The following MAGI3 variants were observed in gnomAD, a reference collection of about 807,000 sequenced individuals.
MAGI3 encodes the protein membrane associated guanylate kinase, WW and PDZ domain containing 3.
A neutral mutation model predicts 121.8 loss-of-function variants in MAGI3; 43 were observed. That is an observed-to-expected ratio of 0.35 (90% CI 0.28 to 0.46). The LOEUF is 0.46. MAGI3 is among the 20% of genes least tolerant of loss of function. The pLI is 1.00. For synonymous variants in MAGI3, 553 were observed against 639.3 expected (o/e 0.86, Z 2.04); for missense variants, 1,547 against 1,797.3 (o/e 0.86, Z 2.52).
At chr1:113,645,973 A>G (rs900477572) in intron 11 of MAGI3, among the ~76,000 whole-genome samples, 1 of 152,210 alleles carries the variant, frequency 6.6e-6, no homozygotes, top group Non-Finnish European at 1.5e-5. Context: ...AATTGGCCAG[A>G]CAGGGTTTTC....
chr1:113,473,417 C>T (rs141363766), intron 1 of MAGI3, among the ~76,000 whole-genome samples: 4 of 133,584 alleles, frequency 3.0e-5, no homozygotes, highest in Admixed American at 7.5e-5. Flanking sequence ...CTCCCCCAGC[C>T]CCCCCACCCC....
intron 1 of MAGI3, among the ~76,000 whole-genome samples, chr1:113,514,228 G>A (rs929396232): frequency 2.0e-5 from 3 of 152,056 alleles, no homozygotes; most frequent in African/African-American, 4.8e-5. Context: ...GGTTCCTCAG[G>A]GATCTAGAAC....
chr1:113,481,321 T>C (rs562599753), intron 1 of MAGI3, among the ~76,000 whole-genome samples: 11 of 152,332 alleles, frequency 7.2e-5, no homozygotes, highest in African/African-American at 2.6e-4. Flanking sequence ...TGTAGTTCAC[T>C]GTCTAAATCT....
At position 113,685,827 on chromosome 1, in the gene MAGI3, A is replaced by G. The variant is rs537988351; in HGVS notation, c.*1813A>G. 3 of 152,448 alleles carry G rather than the reference A, an allele frequency of 2.0e-5. No homozygotes were observed. In the South Asian group the frequency reaches 6.2e-4, roughly 32 times the overall value. 9.4% of individuals were successfully genotyped at this position (152,448 alleles called of 1,614,324 possible). A position where few individuals can be genotyped will look rare whatever the true frequency, so the allele number is the denominator to read the frequency against. On this transcript the variant is annotated 3_prime_UTR_variant, in exon 21 of 21. Coordinates refer to ENST00000307546, the MANE Select transcript of MAGI3 (RefSeq NM_001142782.2). ...GGATGTACTGGTTGTAAATGTTTAT[A>G]TATTGTACAGTACCTTTATATATAC...
intron 16 of MAGI3, among the ~76,000 whole-genome samples, chr1:113,669,671 A>G (rs568306694): frequency 1.3e-5 from 2 of 152,302 alleles, no homozygotes; most frequent in East Asian, 3.9e-4. Flanking sequence ...CTGGGACTAC[A>G]GGCACATGCC....
At chr1:113,532,673 T>C (rs1658782493) in intron 1 of MAGI3, among the ~76,000 whole-genome samples, 1 of 152,182 alleles carries the variant, frequency 6.6e-6, no homozygotes, top group Admixed American at 6.5e-5. Flanking sequence ...AACAAAAGTG[T>C]ATTTGGTTTT....
chr1:113,516,502 T>A (rs987939639), intron 1 of MAGI3, among the ~76,000 whole-genome samples: 10 of 151,596 alleles, frequency 6.6e-5, no homozygotes, highest in Non-Finnish European at 1.3e-4. Context: ...TGGAATAATT[T>A]ATGCAAAAAA....
chr1:113,424,566 A>G (rs1460985349), intron 1 of MAGI3, among the ~76,000 whole-genome samples: 2 of 152,220 alleles, frequency 1.3e-5, no homozygotes, highest in African/African-American at 2.4e-5. Flanking sequence ...ATTATGTGAT[A>G]TATAACCTTT....
intron 9 of MAGI3, 133 bp from the exon 10 acceptor site, chr1:113,641,778 A>G (rs1043288948): frequency 1.0e-5 from 7 of 687,482 alleles, no homozygotes; most frequent in East Asian, 8.4e-5. Context: ...TTAGAAATCT[A>G]TCTTTTCAGC....
At chr1:113,439,686 G>A (rs1049869611) in intron 1 of MAGI3, among the ~76,000 whole-genome samples, 15 of 151,930 alleles carry the variant, frequency 9.9e-5, no homozygotes, top group Non-Finnish European at 2.1e-4. Flanking sequence ...TAAAGTTTGA[G>A]TGTCTCTTAT....
intron 1 of MAGI3, among the ~76,000 whole-genome samples, chr1:113,529,461 G>A (rs1037997810): frequency 5.3e-5 from 8 of 152,088 alleles, no homozygotes; most frequent in Non-Finnish European, 7.4e-5. Flanking sequence ...TTTATTGGAC[G>A]CTGTTCCCAT....
At chr1:113,618,038 T>C (rs1263984515) in intron 7 of MAGI3, among the ~76,000 whole-genome samples, 1 of 152,190 alleles carries the variant, frequency 6.6e-6, no homozygotes, top group African/African-American at 2.4e-5. Flanking sequence ...CATTCCTTTT[T>C]TTGAAAGTGT....
At position 113,416,166 on chromosome 1, in the gene MAGI3, A is replaced by ATGTAATTAATGACACATATTATTAT. The variant is rs1652332682; in HGVS notation, c.316+24838_316+24839insTTATTGTAATTAATGACACATATTA. On this transcript the variant is annotated intron_variant, in intron 1 of 20. Coordinates refer to ENST00000307546, the MANE Select transcript of MAGI3 (RefSeq NM_001142782.2). ...TATGTAATTAATGACACATATTATT[A>ATGTAATTAATGACACATATTATTAT]TGTAATTAATGACACATATTAATTA... Among the ~76,000 whole-genome samples the ATGTAATTAATGACACATATTATTAT allele has an allele frequency of 8.4e-5, 7 of 83,564 alleles. 1 individual carries two copies. Among genetic ancestry groups the ATGTAATTAATGACACATATTATTAT allele is most frequent in the Non-Finnish European group, 1.0e-4 (4 of 39,314 alleles). The allele number at this position is 83,564 out of a possible 152,430, so 54.8% of individuals were successfully genotyped here. A position where few individuals can be genotyped will look rare whatever the true frequency, so the allele number is the denominator to read the frequency against.
intron 2 of MAGI3, among the ~76,000 whole-genome samples, chr1:113,574,400 C>T (rs1202302782): frequency 6.6e-6 from 1 of 152,164 alleles, no homozygotes; most frequent in Non-Finnish European, 1.5e-5. Flanking sequence ...CAAAATCCCT[C>T]AGCATTTGCT....
intron 9 of MAGI3, among the ~76,000 whole-genome samples, chr1:113,635,451 G>T (rs998680150): frequency 1.2e-4 from 19 of 152,210 alleles, no homozygotes; most frequent in African/African-American, 3.1e-4. Flanking sequence ...GTTGAATTTT[G>T]TCAAAGGCCT....
chr1:113,551,478 G>A (rs764611104), intron 2 of MAGI3, among the ~76,000 whole-genome samples: 6 of 152,056 alleles, frequency 3.9e-5, no homozygotes, highest in South Asian at 2.1e-4. Context: ...CCTTAGCATC[G>A]CATAAAATAT....
chr1:113,493,053 A>G (rs1656744138), intron 1 of MAGI3, among the ~76,000 whole-genome samples: 1 of 152,190 alleles, frequency 6.6e-6, no homozygotes, highest in Admixed American at 6.5e-5. Context: ...TAAAATTCAT[A>G]TGGAACCAAA....
chr1:113,676,259 G>A (rs1035520898), intron 19 of MAGI3, among the ~76,000 whole-genome samples: 3 of 152,128 alleles, frequency 2.0e-5, no homozygotes, highest in Non-Finnish European at 4.4e-5. Flanking sequence ...TTAAAGCAAA[G>A]TCTAGTTCTA....
chr1:113,531,717 TG>T (rs1658732059), intron 1 of MAGI3, among the ~76,000 whole-genome samples: 1 of 9,450 alleles, frequency 1.1e-4, no homozygotes, highest in Non-Finnish European at 2.4e-4. Context: ...TTGCGGGGGG[TG>T]GGGGTCGGGT....
Sources: gnomAD v4.1 joint callset for allele counts (sites outside exome capture counted in the v4.1 genomes callset) on GRCh38, gnomAD v4.1.1 for gene constraint, MANE v1.5 for transcripts, NCBI Gene and HGNC (gene_info 2026-07-23, HGNC 2026-07-21) for gene names.